The following C4orf51 variants were observed in gnomAD, a reference collection of about 807,000 sequenced individuals.
C4orf51 encodes the protein chromosome 4 open reading frame 51.
Under a neutral mutation model 25.2 loss-of-function variants are expected in C4orf51, and 25 were observed. That is an observed-to-expected ratio of 0.99 (90% CI 0.72 to 1.39). The LOEUF (loss-of-function observed/expected upper bound fraction) is 1.39, where lower values mean the gene tolerates loss of function less well. C4orf51 is among the 40% of genes most tolerant of loss of function. The pLI, the probability that C4orf51 is intolerant of heterozygous loss-of-function variation, is 0.00. For missense variants in C4orf51, 252 were observed against 239.6 expected, an observed-to-expected ratio of 1.05 and a Z score of -0.34; for synonymous variants, 100 against 84.5, an observed-to-expected ratio of 1.18 and a Z score of -1.01.
the C4orf51 span, among the ~76,000 whole-genome samples, chr4:145,782,457 C>G: frequency 6.6e-6 from 1 of 152,174 alleles, no homozygotes; most frequent in Non-Finnish European, 1.5e-5. Flanking sequence ...ACTTTGGAAT[C>G]TTTTTTGATT....
chr4:145,716,904 A>C (rs900386601), intron 2 of C4orf51, among the ~76,000 whole-genome samples: 1 of 152,224 alleles, frequency 6.6e-6, no homozygotes, highest in Admixed American at 6.5e-5. Context: ...GCTATTGTTA[A>C]AATCAGGAGA....
chr4:145,755,260 G>T (rs1037121342), downstream of C4orf51, among the ~76,000 whole-genome samples: 1 of 152,172 alleles, frequency 6.6e-6, no homozygotes, highest in African/African-American at 2.4e-5. Context: ...GCCCTAGTTT[G>T]TGTCTGAGCC....
chr4:145,697,436 A>G (rs1477322718), intron 2 of C4orf51, among the ~76,000 whole-genome samples: 1 of 152,178 alleles, frequency 6.6e-6, no homozygotes, highest in African/African-American at 2.4e-5. Context: ...AATTAACCAT[A>G]GTTACCATAC....
At chr4:145,777,024 T>A in the C4orf51 span, among the ~76,000 whole-genome samples, 1 of 152,248 alleles carries the variant, frequency 6.6e-6, no homozygotes, top group Non-Finnish European at 1.5e-5. Context: ...CAGTGTTCTA[T>A]CCTTAATGCT....
chr4:145,771,390 G>A (rs925391372), downstream of C4orf51, among the ~76,000 whole-genome samples: 1 of 152,158 alleles, frequency 6.6e-6, no homozygotes, highest in African/African-American at 2.4e-5. Flanking sequence ...TTTGTTAATA[G>A]GGATTCTGTA....
chr4:145,744,680 A>G (rs552888847), intron 1 of C4orf51, among the ~76,000 whole-genome samples: 1 of 152,246 alleles, frequency 6.6e-6, no homozygotes, highest in African/African-American at 2.4e-5. Flanking sequence ...TTCTACAAAA[A>G]AAAATTAGTA....
chr4:145,779,881 G>A, the C4orf51 span, among the ~76,000 whole-genome samples: 1 of 152,198 alleles, frequency 6.6e-6, no homozygotes, highest in Non-Finnish European at 1.5e-5. Flanking sequence ...GTAGGCTCTT[G>A]CCACAAGGCA....
chr4:145,727,985 TATATA>T (rs1474476361), intron 3 of C4orf51, among the ~76,000 whole-genome samples: 14 of 134,614 alleles, frequency 1.0e-4, no homozygotes, highest in East Asian at 2.0e-4. Context: ...ATATACATTA[TATATA>T]ATATATTATA....
rs140349113 is a variant in C4orf51 at position 145,685,477 on chromosome 4, C to G, written c.233+5041C>G. Reference sequence around the variant, plus strand: ...CTCCCTCAGTGAGCAATTCCTGTCCCTTTTAAGGGCTCACAACTCTAAGGG... The same window carrying G: ...CTCCCTCAGTGAGCAATTCCTGTCCGTTTTAAGGGCTCACAACTCTAAGGG... On this transcript the variant is annotated intron_variant, in intron 1 of 5. Coordinates refer to ENST00000438731, the MANE Select transcript of C4orf51 (RefSeq NM_001080531.3). 6.6e-3 allele frequency among the ~76,000 whole-genome samples: 1,002 copies of G among 152,250 alleles called. 17 individuals carry two copies. The highest frequency in any genetic ancestry group is 0.023 in the African/African-American group (961 of 41,542).
At chr4:145,735,268 G>T (rs1403312161), downstream of C4orf51, among the ~76,000 whole-genome samples, 1 of 152,158 alleles carries the variant, frequency 6.6e-6, no homozygotes, top group Non-Finnish European at 1.5e-5. Context: ...TAGGGTTTCC[G>T]AGGTGCCATT....
chr4:145,738,354 G>A (rs1579016599), intron 1 of C4orf51, among the ~76,000 whole-genome samples: 1 of 152,026 alleles, frequency 6.6e-6, no homozygotes, highest in African/African-American at 2.4e-5. Context: ...GGAGGTTGAG[G>A]CAGGAGGATT....
At chr4:145,736,217 C>T (rs1185316384), downstream of C4orf51, among the ~76,000 whole-genome samples, 5 of 151,670 alleles carry the variant, frequency 3.3e-5, no homozygotes, top group Middle Eastern at 3.2e-3. Context: ...TTCCTATATT[C>T]AGGAGGTTTT....
chr4:145,718,955 C>T (rs1031759999), intron 2 of C4orf51, among the ~76,000 whole-genome samples: 8 of 152,204 alleles, frequency 5.3e-5, no homozygotes, highest in Admixed American at 4.6e-4. Flanking sequence ...TGCCTACCAC[C>T]TTTAAAATAA....
chr4:145,695,299 T>A (rs1729975438), intron 1 of C4orf51, among the ~76,000 whole-genome samples: 1 of 152,244 alleles, frequency 6.6e-6, no homozygotes, highest in African/African-American at 2.4e-5. Context: ...TGAGATGGTA[T>A]CCCATTGTAG....
At chr4:145,738,614 TTTAAA>T (rs1420873650) in intron 1 of C4orf51, among the ~76,000 whole-genome samples, 7 of 152,000 alleles carry the variant, frequency 4.6e-5, no homozygotes, top group Admixed American at 4.6e-4. Flanking sequence ...ATAAGACTAC[TTTAAA>T]TTAATATGAA....
In C4orf51 at chr4:145,761,646, G is replaced by C; in HGVS notation, n.167-9342G>C. On this transcript the variant is annotated intron_variant and non_coding_transcript_variant, in intron 1 of 1. Transcript: ENST00000510096. The surrounding 1 kb of genome is among the most constrained non-coding windows in gnomAD (Gnocchi z 6.8). Reference sequence around the variant, plus strand: ...GGAGGTTCAGCCGGGAAGGTTCGGAGGCAGCCGCGCTTCTCGCCGCCTCAC... The same window carrying C: ...GGAGGTTCAGCCGGGAAGGTTCGGACGCAGCCGCGCTTCTCGCCGCCTCAC... The C allele has an allele frequency of 8.7e-7, 1 of 1,147,604 alleles. No individual in the cohort carries two copies. Among genetic ancestry groups the C allele is most frequent in the Non-Finnish European group, 1.1e-6 (1 of 883,026 alleles). The allele number at this position is 1,147,604 out of a possible 1,614,324, so 71.1% of individuals were successfully genotyped here. A position where few individuals can be genotyped will look rare whatever the true frequency, so the allele number is the denominator to read the frequency against.
At position 145,725,600 on chromosome 4, in the gene C4orf51, T is replaced by TAA. The variant is rs57001739; in HGVS notation, c.308-1304_308-1303dup. ...GTACAATGGAACACTATTCAGCAAT[T>TAA]AAAAAAAAGAACAAAATACTAAAAC... On this transcript the variant is annotated intron_variant, in intron 2 of 5. Transcript: ENST00000438731. Among the ~76,000 whole-genome samples, 38 of 151,452 alleles carry TAA rather than the reference T, an allele frequency of 2.5e-4. No homozygotes were observed. In the East Asian group the frequency reaches 4.1e-3, roughly 16 times the overall value.
intron 1 of C4orf51, among the ~76,000 whole-genome samples, chr4:145,738,562 C>CT (rs1343550241): frequency 2.0e-5 from 3 of 151,816 alleles, no homozygotes; most frequent in Admixed American, 1.3e-4. Flanking sequence ...TTCTGTGGGA[C>CT]TGTTGTATCT....
chr4:145,772,604 T>C (rs1009663556), downstream of C4orf51, among the ~76,000 whole-genome samples: 4 of 152,118 alleles, frequency 2.6e-5, no homozygotes, highest in African/African-American at 7.2e-5. Context: ...AACAGCCGAG[T>C]TGAGTAGTAG....
Sources: gnomAD v4.1 joint callset for allele counts (sites outside exome capture counted in the v4.1 genomes callset) on GRCh38, gnomAD v4.1.1 for gene constraint, Gnocchi (gnomAD v3.1) non-coding constraint, MANE v1.5 for transcripts, NCBI Gene and HGNC (gene_info 2026-07-23, HGNC 2026-07-21) for gene names.